ARPC1A: variants seen among roughly 807,000 people sequenced by gnomAD.
ARPC1A encodes the protein actin related protein 2/3 complex subunit 1A.
Under a neutral mutation model 46.9 loss-of-function variants are expected in ARPC1A, and 8 were observed. The ratio of observed to expected loss-of-function variants is 0.17; its 90% CI spans 0.10 to 0.31. ARPC1A has a LOEUF of 0.31. Among genes scored for constraint, ARPC1A ranks in the 10% least tolerant of loss-of-function variants. The pLI is 1.00. For synonymous variants in ARPC1A, 152 were observed against 169.0 expected, an observed-to-expected ratio of 0.90 and a Z score of 0.78; for missense variants, 286 against 483.6, an observed-to-expected ratio of 0.59 and a Z score of 3.83.
chr7:99,351,407 C>A (rs1357642880), intron 5 of ARPC1A, among the ~76,000 whole-genome samples: 1 of 151,496 alleles, frequency 6.6e-6, no homozygotes, highest in East Asian at 1.9e-4. Context: ...TTAGTAGAGA[C>A]AGGGTTTCAC....
In ARPC1A at chr7:99,354,002, T is replaced by C; in HGVS notation, c.594T>C (p.Phe198=). 6.2e-7 allele frequency: 1 copy of C among 1,614,044 alleles called. No homozygotes were observed. Among genetic ancestry groups the C allele is most frequent in the Non-Finnish European group, 8.5e-7 (1 of 1,179,896 alleles). ...CTTTTGGGCAGCTGATGTCAGAGTT[T>C]GGTGGCAGTGGCACTGGTGGCTGGG... is the stretch of plus-strand genomic sequence containing the variant. ...KMPFGQLMSE[F]GGSGTGGWVH... is the part of the protein sequence containing the mutation. Residue 198 remains phenylalanine (F), a synonymous_variant, in exon 6 of 10, where the codon TTT becomes TTC. Coordinates refer to ENST00000262942, the MANE Select transcript of ARPC1A (RefSeq NM_006409.4).
intron 3 of ARPC1A, among the ~76,000 whole-genome samples, chr7:99,343,630 A>G (rs1032463289): frequency 6.6e-6 from 1 of 152,192 alleles, no homozygotes; most frequent in Admixed American, 6.6e-5. Flanking sequence ...AGATAAGTAA[A>G]GTCTCATCAA....
rs947797849 is a variant in ARPC1A, at chr7:99,336,522, C to T, written c.65-1659C>T. Among the ~76,000 whole-genome samples, 46 of 120,548 alleles carry T rather than the reference C, an allele frequency of 3.8e-4. 1 individual carries two copies. In the Admixed American group the frequency reaches 4.7e-3, roughly 12 times the overall value. 79.1% of individuals were successfully genotyped at this position (120,548 alleles called of 152,430 possible). A position where few individuals can be genotyped will look rare whatever the true frequency, so the allele number is the denominator to read the frequency against. On this transcript the variant is annotated intron_variant, in intron 2 of 9. Transcript: ENST00000262942. Reference sequence around the variant, plus strand: ...TTTTTTTTTTTTTGAGACAGGGTCTCACTCTGTCACCCAGGCTGGAGTGCA... The same window carrying T: ...TTTTTTTTTTTTTGAGACAGGGTCTTACTCTGTCACCCAGGCTGGAGTGCA...
intron 1 of ARPC1A, among the ~76,000 whole-genome samples, chr7:99,333,031 G>T (rs1793174227): frequency 6.6e-6 from 1 of 152,130 alleles, no homozygotes; most frequent in Non-Finnish European, 1.5e-5. Flanking sequence ...CGAGTAGCTG[G>T]AACTAGAGGC....
intron 1 of ARPC1A, among the ~76,000 whole-genome samples, chr7:99,329,231 G>T (rs1304224609): frequency 1.3e-5 from 2 of 151,650 alleles, no homozygotes; most frequent in African/African-American, 4.8e-5. Context: ...AACCCGGGAG[G>T]CAGAGTTTGC....
At chr7:99,334,030 C>CAT (rs758964838) in intron 2 of ARPC1A, among the ~76,000 whole-genome samples, 7 of 125,806 alleles carry the variant, frequency 5.6e-5, no homozygotes, top group African/African-American at 1.4e-4. Flanking sequence ...CACACACACA[C>CAT]ATATATATGT....
intron 8 of ARPC1A, among the ~76,000 whole-genome samples, chr7:99,361,461 CAAAAA>C (rs5886105): frequency 1.8e-5 from 2 of 110,190 alleles, no homozygotes; most frequent in African/African-American, 2.9e-5. Context: ...GATCCTATCT[CAAAAA>C]AAAAAAAAAA....
chr7:99,356,937 A>G lies in ARPC1A; in HGVS notation c.714-1403A>G, dbSNP rs546327459. On this transcript the variant is annotated intron_variant, in intron 6 of 9. Transcript: ENST00000262942. ...GAAAAAAAGAAAGATTGTCCCTTCC[A>G]TTATAAAATGTAGTCTTTCAGAAGA... Among the ~76,000 whole-genome samples, 29 of 152,298 alleles carry G rather than the reference A, an allele frequency of 1.9e-4. No homozygotes were observed. In the South Asian group the frequency reaches 6.0e-3, roughly 32 times the overall value.
At chr7:99,353,579 G>A (rs1793582727) in intron 5 of ARPC1A, among the ~76,000 whole-genome samples, 1 of 151,850 alleles carries the variant, frequency 6.6e-6, no homozygotes, top group African/African-American at 2.4e-5. Flanking sequence ...CTGGGTTTAC[G>A]CGATTCTCCT....
intron 5 of ARPC1A, among the ~76,000 whole-genome samples, chr7:99,353,632 C>G (rs927115677): frequency 6.6e-6 from 1 of 151,950 alleles, no homozygotes; most frequent in East Asian, 1.9e-4. Context: ...CATGCGCCCC[C>G]ACGCTTGGCT....
intron 5 of ARPC1A, among the ~76,000 whole-genome samples, chr7:99,351,135 C>T (rs1022238124): frequency 9.2e-5 from 14 of 152,056 alleles, no homozygotes; most frequent in African/African-American, 2.9e-4. Context: ...ATTTCTTAAC[C>T]AGAGTCATTG....
chr7:99,332,444 T>C (rs1193741923), intron 1 of ARPC1A, among the ~76,000 whole-genome samples: 1 of 152,194 alleles, frequency 6.6e-6, no homozygotes, highest in African/African-American at 2.4e-5. Flanking sequence ...TCTTTTTCTC[T>C]TTGTAGTTAA....
At chr7:99,359,818 A>G (rs1793710454) in intron 8 of ARPC1A, 80 bp downstream of exon 8, 6 of 1,491,290 alleles carry the variant, frequency 4.0e-6, no homozygotes, top group Non-Finnish European at 4.6e-6. Flanking sequence ...GGTTCCTACA[A>G]AAGCTCTATG....
chr7:99,359,833 T>C, intron 8 of ARPC1A, 95 bp downstream of exon 8: 1 of 1,368,698 alleles, frequency 7.3e-7, no homozygotes, highest in African/African-American at 1.4e-5. Flanking sequence ...TCTATGCCCC[T>C]CAGGCCCAGA....
At position 99,348,990 on chromosome 7, in the gene ARPC1A, G is replaced by T; in HGVS notation, c.500+31G>T. On this transcript the variant is annotated intron_variant, in intron 5 of 9. Transcript: ENST00000262942. The stretch of plus-strand genomic sequence containing the variant: ...AACCAGTGAGAACTGATAAACTTGA[G>T]CCGTGCATTCTTCATCCTTCAACAA... The T allele has an allele frequency of 2.6e-6, 4 of 1,559,512 alleles. No individual in the cohort carries two copies. In the Middle Eastern group the frequency reaches 6.7e-4, roughly 263 times the overall value.
chr7:99,358,220 C>T, intron 6 of ARPC1A, 120 bp from the exon 7 acceptor site: 1 of 931,286 alleles, frequency 1.1e-6, no homozygotes, highest in Non-Finnish European at 1.6e-6. Flanking sequence ...TCCTTTTCAA[C>T]ATAAGTGCCC....
In ARPC1A at chr7:99,348,969, A is replaced by G. The variant is rs200218437; in HGVS notation, c.500+10A>G. On this transcript the variant is annotated intron_variant, in intron 5 of 9. Coordinates refer to ENST00000262942, the MANE Select transcript of ARPC1A (RefSeq NM_006409.4). Reference sequence around the variant, plus strand: ...GTGACTTCAAATGCAGGTGGGAACCAGTGAGAACTGATAAACTTGAGCCGT... The same window carrying G: ...GTGACTTCAAATGCAGGTGGGAACCGGTGAGAACTGATAAACTTGAGCCGT... 6.7e-5 allele frequency: 108 copies of G among 1,605,324 alleles called. No individual in the cohort carries two copies. In the African/African-American group the frequency reaches 1.4e-3, roughly 21 times the overall value.
intron 6 of ARPC1A, among the ~76,000 whole-genome samples, chr7:99,356,601 G>A (rs556037615): frequency 5.9e-5 from 7 of 118,196 alleles, no homozygotes; most frequent in African/African-American, 2.4e-4. Context: ...GGAAGACTCT[G>A]TCTCAAAAAA....
At chr7:99,341,439 T>G (rs970685789) in intron 3 of ARPC1A, among the ~76,000 whole-genome samples, 1 of 151,526 alleles carries the variant, frequency 6.6e-6, no homozygotes, top group African/African-American at 2.4e-5. Context: ...GAAACCCCAT[T>G]TCTACTAAAA....
Sources: gnomAD v4.1 joint callset for allele counts (sites outside exome capture counted in the v4.1 genomes callset) on GRCh38, gnomAD v4.1.1 for gene constraint, MANE v1.5 for transcripts, NCBI Gene and HGNC (gene_info 2026-07-23, HGNC 2026-07-21) for gene names.